Variants in FARP1 observed in about 807,000 individuals in gnomAD.
FARP1 encodes FERM, ARHGEF and pleckstrin domain-containing protein 1.
In FARP1, 52 loss-of-function variants were observed where a neutral mutation model predicts 128.8. That is an observed-to-expected ratio of 0.40 (90% confidence interval 0.32 to 0.51). The LOEUF is 0.51. Ranked by LOEUF, FARP1 falls within the 20% of genes least tolerant of loss-of-function variation. FARP1 has a pLI of 0.45. For missense variants in FARP1, 1,333 were observed against 1,367.9 expected, an observed-to-expected ratio of 0.97 and a Z score of 0.40; for synonymous variants, 580 against 551.8, an observed-to-expected ratio of 1.05 and a Z score of -0.72.
chr13:98,368,275 C>A (rs1280750098), intron 5 of FARP1, 80 bp downstream of exon 5: 1 of 990,006 alleles, frequency 1.0e-6, no homozygotes, highest in Non-Finnish European at 1.6e-6. Flanking sequence ...ATTGATGACA[C>A]AAACATTTTC....
At chr13:98,446,237 G>A in intron 25 of FARP1, 32 bp downstream of exon 25, 4 of 1,444,998 alleles carry the variant, frequency 2.8e-6, no homozygotes, top group Non-Finnish European at 3.9e-6. Context: ...GGTGGCCCTG[G>A]GACCTTGGGG....
chr13:98,291,145 C>T (rs1885429465), intron 2 of FARP1, among the ~76,000 whole-genome samples: 2 of 152,200 alleles, frequency 1.3e-5, no homozygotes, highest in Middle Eastern at 3.4e-3. Context: ...AGAAGCCTTA[C>T]CAATAACATA....
chr13:98,348,047 T>A (rs536129499), intron 3 of FARP1, among the ~76,000 whole-genome samples: 2 of 152,370 alleles, frequency 1.3e-5, no homozygotes, highest in East Asian at 1.9e-4. Flanking sequence ...ATAGTAAGGA[T>A]GTGAAGGAGT....
chr13:98,271,569 A>C, intron 2 of FARP1, among the ~76,000 whole-genome samples: 1 of 151,082 alleles, frequency 6.6e-6, no homozygotes. Flanking sequence ...CTTTCTCCCC[A>C]CCCCTCGACA....
At chr13:98,268,548 A>G (rs1222345293) in intron 2 of FARP1, among the ~76,000 whole-genome samples, 2 of 151,790 alleles carry the variant, frequency 1.3e-5, no homozygotes, top group South Asian at 2.1e-4. Context: ...GCTCACTGCA[A>G]CCTCCACCTC....
chr13:98,246,140 G>A (rs1464992726), intron 2 of FARP1, among the ~76,000 whole-genome samples: 7 of 121,514 alleles, frequency 5.8e-5, no homozygotes, highest in African/African-American at 2.2e-4. Context: ...TGTCACCCAG[G>A]CTGGAGTGCA....
chr13:98,189,959 A>G (rs556863565), intron 1 of FARP1, among the ~76,000 whole-genome samples: 2 of 152,322 alleles, frequency 1.3e-5, no homozygotes, highest in African/African-American at 2.4e-5. Context: ...TCTGTCTTCA[A>G]ATTATACCGT....
intron 2 of FARP1, among the ~76,000 whole-genome samples, chr13:98,250,589 C>T (rs1883274704): frequency 6.6e-6 from 1 of 151,936 alleles, no homozygotes; most frequent in Non-Finnish European, 1.5e-5. Context: ...GGCATGGTGG[C>T]AGGTGCCTGT....
chr13:98,201,654 A>C (rs754936350), intron 1 of FARP1, among the ~76,000 whole-genome samples: 4 of 152,222 alleles, frequency 2.6e-5, no homozygotes, highest in Non-Finnish European at 4.4e-5. Flanking sequence ...AGAACTGGAC[A>C]TTTGAAATAA....
chr13:98,345,489 G>T (rs1207727691), intron 3 of FARP1: 2 of 152,284 alleles, frequency 1.3e-5, no homozygotes, highest in African/African-American at 4.8e-5. Flanking sequence ...TCTAGGTACC[G>T]GGCAGGGCTG....
chr13:98,337,629 G>T (rs1887800619), intron 2 of FARP1, among the ~76,000 whole-genome samples: 1 of 148,440 alleles, frequency 6.7e-6, no homozygotes, highest in Admixed American at 6.8e-5. Context: ...TTTCACTGAT[G>T]AATTTTCCAC....
At chr13:98,448,028 T>G in intron 26 of FARP1, 1 of 595,300 alleles carries the variant, frequency 1.7e-6, no homozygotes, top group Non-Finnish European at 3.0e-6. Context: ...TACTTCCAGC[T>G]CCACACTGAG....
At chr13:98,348,319 G>A (rs993464814) in intron 3 of FARP1, among the ~76,000 whole-genome samples, 8 of 152,196 alleles carry the variant, frequency 5.3e-5, no homozygotes, top group African/African-American at 1.9e-4. Flanking sequence ...CTGTTTAAAA[G>A]TATAGATTGA....
chr13:98,388,108 A>G lies in FARP1; in HGVS notation c.760-275A>G, dbSNP rs372728189. On this transcript the variant is annotated intron_variant, in intron 8 of 26. Coordinates refer to ENST00000319562, the MANE Select transcript of FARP1 (RefSeq NM_005766.4). ...GGTGGTTGTCATGGTTTTTATTTCTATTTATCTTTCTTTTCATCATTATCT... is the reference window on the plus strand; with the variant it reads ...GGTGGTTGTCATGGTTTTTATTTCTGTTTATCTTTCTTTTCATCATTATCT... 2.1e-4 allele frequency among the ~76,000 whole-genome samples: 32 copies of G among 152,086 alleles called. No individual in the cohort carries two copies. In the East Asian group the frequency reaches 5.4e-3, roughly 26 times the overall value.
chr13:98,269,007 C>T (rs879926444), intron 2 of FARP1, among the ~76,000 whole-genome samples: 5 of 152,172 alleles, frequency 3.3e-5, no homozygotes, highest in Admixed American at 3.3e-4. Context: ...TCTGGGATTA[C>T]AGGCATGAGC....
At chr13:98,376,240 C>T (rs1348678762) in intron 5 of FARP1, among the ~76,000 whole-genome samples, 1 of 152,174 alleles carries the variant, frequency 6.6e-6, no homozygotes, top group Non-Finnish European at 1.5e-5. Flanking sequence ...CATTCTATCT[C>T]ATTTTTTTGG....
chr13:98,280,632 T>TG (rs34076699), intron 2 of FARP1, among the ~76,000 whole-genome samples: 28,890 of 152,138 alleles, frequency 0.19, 3,674 homozygotes, highest in East Asian at 0.39. Context: ...ACCCAAACCC[T>TG]GGGGGGTTTC....
At chr13:98,198,349 T>G (rs1420741260) in intron 1 of FARP1, among the ~76,000 whole-genome samples, 1 of 152,176 alleles carries the variant, frequency 6.6e-6, no homozygotes, top group Non-Finnish European at 1.5e-5. Context: ...GCAACCACAA[T>G]GTTTTTCTGT....
chr13:98,444,752 G>GT (rs1892714416), intron 24 of FARP1, among the ~76,000 whole-genome samples: 1 of 152,244 alleles, frequency 6.6e-6, no homozygotes. Flanking sequence ...TGGGTGACAT[G>GT]TATGAACCCC....
Sources: allele counts gnomAD v4.1 joint callset (sites outside exome capture counted in the v4.1 genomes callset), GRCh38; gene constraint gnomAD v4.1.1; transcripts MANE v1.5; gene names NCBI Gene and HGNC (gene_info 2026-07-23, HGNC 2026-07-21).